Variants in RLF observed in about 807,000 individuals in gnomAD.
RLF encodes the protein RLF zinc finger.
A neutral mutation model predicts 162.9 loss-of-function variants in RLF; 7 were observed. The observed-to-expected ratio is 0.04, with a 90% confidence interval of 0.02 to 0.08. The LOEUF (loss-of-function observed/expected upper bound fraction) is 0.08, where lower values mean the gene tolerates loss of function less well. RLF is among the 10% of genes least tolerant of loss of function. RLF has a pLI of 1.00. For missense variants in RLF, 1,664 were observed against 2,244.7 expected (o/e 0.74, Z 5.23); for synonymous variants, 782 against 791.5 (o/e 0.99, Z 0.20).
At chr1:40,193,149 G>A (rs1642583269) in intron 3 of RLF, among the ~76,000 whole-genome samples, 3 of 146,654 alleles carry the variant, frequency 2.0e-5, no homozygotes, top group Non-Finnish European at 3.0e-5. Context: ...AAAAAAAAGA[G>A]CATCTTGTGC....
At chr1:40,211,870 C>T (rs1385173719) in intron 5 of RLF, among the ~76,000 whole-genome samples, 2 of 152,188 alleles carry the variant, frequency 1.3e-5, no homozygotes, top group East Asian at 3.8e-4. Context: ...TCCTGTTATC[C>T]GCCCGCCTCG....
rs529503513 is a variant in RLF, at chr1:40,218,557, A to G, written c.811-4017A>G. 9.4e-4 allele frequency among the ~76,000 whole-genome samples: 143 copies of G among 152,178 alleles called. 1 individual carries two copies. Among genetic ancestry groups the G allele is most frequent in the African/African-American group, 3.2e-3 (133 of 41,512 alleles). On this transcript the variant is annotated intron_variant, in intron 5 of 7. Transcript: ENST00000372771. ...ACCTTTTCCCTCCTCACATGCCACA[A>G]TTACTCTCACGTTAATTAGTTTGCT...
chr1:40,163,273 A>G (rs1405163073), intron 1 of RLF, among the ~76,000 whole-genome samples: 1 of 152,166 alleles, frequency 6.6e-6, no homozygotes, highest in Non-Finnish European at 1.5e-5. Flanking sequence ...TGCCAAAGGT[A>G]GAGATTGGTA....
In RLF at chr1:40,237,682, T is replaced by G. The variant is rs1643234827; in HGVS notation, c.2980T>G (p.Phe994Val). 6.2e-7 allele frequency: 1 copy of G among 1,614,144 alleles called. No individual in the cohort carries two copies. The highest frequency in any genetic ancestry group is 8.5e-7 in the Non-Finnish European group (1 of 1,179,998). ...KPKKIKTKDLFPSLGNEHNQT... is the reference protein window; with the variant it reads ...KPKKIKTKDLVPSLGNEHNQT... The stretch of plus-strand genomic sequence containing the variant: ...CAAAAAGATAAAGACGAAAGATCTG[T>G]TTCCCTCTTTGGGTAATGAACATAA... The change falls in exon 8 of 8, where the codon TTT becomes GTT. Residue 994 changes from phenylalanine to valine, a missense_variant. Physicochemically the swap from Phe to Val is conservative, Grantham distance 50 (BLOSUM62 -1). Transcript: ENST00000372771. This position sits in a 1 kb window ranked among gnomAD's most constrained non-coding sequence, Gnocchi z 4.4.
At chr1:40,165,419 T>C (rs2124521958) in intron 1 of RLF, among the ~76,000 whole-genome samples, 1 of 152,362 alleles carries the variant, frequency 6.6e-6, no homozygotes, top group Non-Finnish European at 1.5e-5. Context: ...TTAACTACGT[T>C]AACGAGATCT....
intron 1 of RLF, among the ~76,000 whole-genome samples, chr1:40,184,087 A>T (rs1251005165): frequency 5.3e-5 from 8 of 152,304 alleles, no homozygotes; most frequent in Non-Finnish European, 1.0e-4. Context: ...ATTAAGGGTG[A>T]GGGGAGATTT....
At chr1:40,174,869 T>C (rs538947910) in intron 1 of RLF, among the ~76,000 whole-genome samples, 1 of 152,296 alleles carries the variant, frequency 6.6e-6, no homozygotes, top group South Asian at 2.1e-4. Context: ...TAGTGAAATC[T>C]TGATTTCAGT....
In RLF at chr1:40,239,803, A is replaced by T; in HGVS notation, c.5101A>T (p.Ile1701Leu). 1 of 1,614,154 alleles carries T rather than the reference A, an allele frequency of 6.2e-7. No individual in the cohort carries two copies. Among genetic ancestry groups the T allele is most frequent in the Non-Finnish European group, 8.5e-7 (1 of 1,180,016 alleles). ...TCCTCCTTGTAAAATAGAAAATTCC[A>T]TACCTAATCCCAATGGGACTGAAAG... is the stretch of plus-strand genomic sequence containing the variant. ...PPPPCKIENSIPNPNGTESGT... is the reference protein window; with the variant it reads ...PPPPCKIENSLPNPNGTESGT... Residue 1701 changes from isoleucine (I) to leucine (L), a missense_variant, in exon 8 of 8, where the codon ATA (isoleucine) becomes TTA (leucine). Transcript: ENST00000372771.
At chr1:40,182,753 G>GTAGA (rs10591738) in intron 1 of RLF, among the ~76,000 whole-genome samples, 18,075 of 148,734 alleles carry the variant, frequency 0.12, 1,133 homozygotes, top group South Asian at 0.17. Context: ...AGATAGATAG[G>GTAGA]TAGATAGATA....
intron 6 of RLF, among the ~76,000 whole-genome samples, chr1:40,224,418 A>AG (rs1407647397): frequency 6.7e-6 from 1 of 148,356 alleles, no homozygotes; most frequent in Non-Finnish European, 1.5e-5. Context: ...CTGGGATTAC[A>AG]GGTGCACACT....
At chr1:40,203,175 T>C (rs565132433) in intron 5 of RLF, among the ~76,000 whole-genome samples, 2 of 144,706 alleles carry the variant, frequency 1.4e-5, no homozygotes, top group Non-Finnish European at 3.0e-5. Flanking sequence ...AGTGCAGTGG[T>C]GCAATTTCGG....
rs138148885 is a variant in RLF, at chr1:40,189,349, C to T, written c.392+140C>T. 314 of 651,024 alleles carry T rather than the reference C, an allele frequency of 4.8e-4. No individual in the cohort carries two copies. The African/African-American group carries it at 5.1e-3, about 11-fold the overall frequency. The allele number at this position is 651,024 out of a possible 1,614,324, so 40.3% of individuals were successfully genotyped here. A position where few individuals can be genotyped will look rare whatever the true frequency, so the allele number is the denominator to read the frequency against. ...ACCATTGAATGAAATTTCCTTCCTACTCACGTTCCCAGGAGATATAGTCCA... is the reference window on the plus strand; with the variant it reads ...ACCATTGAATGAAATTTCCTTCCTATTCACGTTCCCAGGAGATATAGTCCA... On this transcript the variant is annotated intron_variant, in intron 2 of 7. Coordinates refer to ENST00000372771, the MANE Select transcript of RLF (RefSeq NM_012421.4).
rs7527444 is a variant in RLF, at chr1:40,232,433, G to A, written c.1089+775G>A. Among the ~76,000 whole-genome samples the A allele has an allele frequency of 9.4e-3, 1,438 of 152,220 alleles. 22 individuals are homozygous for A. The highest frequency in any genetic ancestry group is 0.032 in the African/African-American group (1,334 of 41,532). On this transcript the variant is annotated intron_variant, in intron 7 of 7. Transcript: ENST00000372771. ...TCAGAAATCCAGCACAATGTGGCAGGATTCTCTTCTAAGATTATCATATTG... is the reference window on the plus strand; with the variant it reads ...TCAGAAATCCAGCACAATGTGGCAGAATTCTCTTCTAAGATTATCATATTG...
chr1:40,210,338 C>T (rs2124547070), intron 5 of RLF, among the ~76,000 whole-genome samples: 1 of 152,178 alleles, frequency 6.6e-6, no homozygotes, highest in South Asian at 2.1e-4. Flanking sequence ...AAAAATTGAT[C>T]CTTGAATTGG....
chr1:40,168,056 T>A (rs1354825557), intron 1 of RLF, among the ~76,000 whole-genome samples: 2 of 150,726 alleles, frequency 1.3e-5, no homozygotes, highest in Non-Finnish European at 3.0e-5. Flanking sequence ...AAAAAAAAAT[T>A]AAAAATTAGC....
rs766598944 is a variant in RLF at position 40,240,184 on chromosome 1, C to G, written c.5482C>G (p.Pro1828Ala). ...VNDSEPEVDI[P>A]HSSSDSTIHE... Reference sequence around the variant, plus strand: ...TGACAGTGAACCTGAAGTTGACATACCTCATTCTTCCAGTGACTCTACAAT... The same window carrying G: ...TGACAGTGAACCTGAAGTTGACATAGCTCATTCTTCCAGTGACTCTACAAT... The change falls in exon 8 of 8, where the codon CCT (proline) becomes GCT (alanine). Residue 1828 changes from proline (P) to alanine (A), a missense_variant. This residue lies in a region of RLF where 327 missense variants were observed against 342.7 expected (regional missense o/e 0.95). Transcript: ENST00000372771. The G allele has an allele frequency of 1.9e-6, 3 of 1,614,118 alleles. No homozygotes were observed. The highest frequency in any genetic ancestry group is 2.5e-6 in the Non-Finnish European group (3 of 1,179,974).
At chr1:40,202,376 A>G (rs753861355) in intron 4 of RLF, 36 bp from the exon 5 acceptor site, 3 of 1,342,266 alleles carry the variant, frequency 2.2e-6, no homozygotes, top group Non-Finnish European at 3.1e-6. Context: ...GTTATGTGGT[A>G]TGTTGTCAAA....
chr1:40,211,566 TTA>T (rs1273374554), intron 5 of RLF, among the ~76,000 whole-genome samples: 2 of 152,202 alleles, frequency 1.3e-5, no homozygotes, highest in Non-Finnish European at 2.9e-5. Context: ...TATCTTAAAA[TTA>T]TTTTAAAGGA....
At chr1:40,202,659 AGATT>A in intron 5 of RLF, 45 bp downstream of exon 5, 2 of 1,095,388 alleles carry the variant, frequency 1.8e-6, no homozygotes, top group Non-Finnish European at 2.6e-6. Flanking sequence ...TTAATTTAAT[AGATT>A]TATATATATA....
Sources: gnomAD v4.1 joint callset for allele counts (sites outside exome capture counted in the v4.1 genomes callset) on GRCh38, gnomAD v4.1.1 for gene constraint, gnomAD v4.1.1 regional missense constraint, Gnocchi (gnomAD v3.1) non-coding constraint, MANE v1.5 for transcripts, NCBI Gene and HGNC (gene_info 2026-07-23, HGNC 2026-07-21) for gene names.